Variants in NCOA2 observed in about 807,000 individuals in gnomAD.
NCOA2 encodes class E basic helix-loop-helix protein 75.
A neutral mutation model predicts 145.1 loss-of-function variants in NCOA2; 21 were observed. The observed-to-expected ratio is 0.14, with a 90% CI of 0.10 to 0.21. The LOEUF is 0.21. Ranked by LOEUF, NCOA2 falls within the 10% of genes least tolerant of loss-of-function variation. NCOA2 has a pLI of 1.00. For missense variants in NCOA2, 1,472 were observed against 1,837.6 expected, an observed-to-expected ratio of 0.80 and a Z score of 3.64; for synonymous variants, 619 against 637.5, an observed-to-expected ratio of 0.97 and a Z score of 0.44.
chr8:70,185,293 C>T (rs1815935848), intron 4 of NCOA2, among the ~76,000 whole-genome samples: 1 of 152,118 alleles, frequency 6.6e-6, no homozygotes, highest in African/African-American at 2.4e-5. Context: ...AGCAGGTGTT[C>T]CTAATTTAAA....
At chr8:70,350,137 T>C (rs537469726) in intron 1 of NCOA2, among the ~76,000 whole-genome samples, 4 of 152,180 alleles carry the variant, frequency 2.6e-5, no homozygotes, top group Non-Finnish European at 5.9e-5. Context: ...TGATTTTGAA[T>C]AATGGCAAGA....
intron 5 of NCOA2, among the ~76,000 whole-genome samples, chr8:70,171,398 T>C (rs1421703688): frequency 6.6e-6 from 1 of 152,248 alleles, no homozygotes; most frequent in Non-Finnish European, 1.5e-5. Context: ...AAGCTCATGC[T>C]TTGATGACCA....
intron 2 of NCOA2, chr8:70,273,349 G>A (rs1465289896): frequency 1.6e-5 from 7 of 447,398 alleles, no homozygotes; most frequent in African/African-American, 2.0e-5. Context: ...AGTCCCCCGC[G>A]CAGCCCCTTA....
intron 1 of NCOA2, among the ~76,000 whole-genome samples, chr8:70,371,654 A>T (rs1811228888): frequency 6.6e-6 from 1 of 152,154 alleles, no homozygotes; most frequent in South Asian, 2.1e-4. Context: ...TATGAACATG[A>T]ATCTACAGTT....
Position 70,112,314 on chromosome 8 carries a change from T to C in NCOA2, c.*1318A>G, listed in dbSNP as rs1585681194. 2.6e-5 allele frequency: 5 copies of C among 194,968 alleles called. No individual in the cohort carries two copies. The South Asian group carries it at 9.6e-4, about 38-fold the overall frequency. 12.1% of individuals were successfully genotyped at this position (194,968 alleles called of 1,614,324 possible). A position where few individuals can be genotyped will look rare whatever the true frequency, so the allele number is the denominator to read the frequency against. Reference sequence around the variant, plus strand: ...AATACTGAAGTACCTCATTTTTGAGTCAATTCCACAATATGTATACCTCAC... The same window carrying C: ...AATACTGAAGTACCTCATTTTTGAGCCAATTCCACAATATGTATACCTCAC... On this transcript the variant is annotated 3_prime_UTR_variant, in exon 23 of 23. Coordinates refer to ENST00000452400, the MANE Select transcript of NCOA2 (RefSeq NM_006540.4).
In NCOA2 at chr8:70,128,242, T is replaced by C. The variant is rs141644865; in HGVS notation, c.3681+191A>G. 8.5e-5 allele frequency among the ~76,000 whole-genome samples: 13 copies of C among 152,330 alleles called. 1 individual carries two copies. The East Asian group carries it at 2.5e-3, about 29-fold the overall frequency. The stretch of plus-strand genomic sequence containing the variant: ...TTCTTAGAATAACAAGAATTGACTG[T>C]ACCTGGCAATAAAAATGGCAGTGAT... On this transcript the variant is annotated intron_variant, in intron 18 of 22. Transcript: ENST00000452400.
At chr8:70,334,266 A>G (rs147206744) in intron 1 of NCOA2, among the ~76,000 whole-genome samples, 16 of 152,324 alleles carry the variant, frequency 1.1e-4, no homozygotes, top group Admixed American at 2.6e-4. Context: ...AATGGCCCAT[A>G]TATCAACCCT....
intron 1 of NCOA2, among the ~76,000 whole-genome samples, chr8:70,383,197 G>A (rs1292744111): frequency 6.6e-6 from 1 of 152,170 alleles, no homozygotes; most frequent in East Asian, 1.9e-4. Flanking sequence ...ATGAAGGCCA[G>A]GGCTAGATAG....
chr8:70,391,867 T>C (rs1185513951), intron 1 of NCOA2, among the ~76,000 whole-genome samples: 1 of 152,216 alleles, frequency 6.6e-6, no homozygotes, highest in Non-Finnish European at 1.5e-5. Flanking sequence ...TTAGATGATA[T>C]TAGTTCTCTT....
intron 1 of NCOA2, among the ~76,000 whole-genome samples, chr8:70,348,542 C>T (rs912494092): frequency 6.6e-6 from 1 of 152,062 alleles, no homozygotes; most frequent in African/African-American, 2.4e-5. Flanking sequence ...TACAGTAGTC[C>T]AGGTACAAAG....
intron 2 of NCOA2, among the ~76,000 whole-genome samples, chr8:70,224,788 A>G (rs1425540131): frequency 1.3e-5 from 2 of 150,946 alleles, no homozygotes; most frequent in Non-Finnish European, 2.9e-5. Flanking sequence ...TATATTACAT[A>G]TATATTAATT....
chr8:70,267,966 T>C, intron 2 of NCOA2, among the ~76,000 whole-genome samples: 1 of 152,238 alleles, frequency 6.6e-6, no homozygotes, highest in East Asian at 1.9e-4. Flanking sequence ...GACTTCCTAT[T>C]TGAAGCAGGA....
chr8:70,388,326 T>C (rs1275419539), intron 1 of NCOA2, among the ~76,000 whole-genome samples: 1 of 152,198 alleles, frequency 6.6e-6, no homozygotes, highest in African/African-American at 2.4e-5. Flanking sequence ...AGAAACATAC[T>C]ATAATATTTT....
intron 1 of NCOA2, among the ~76,000 whole-genome samples, chr8:70,320,815 C>A (rs1468953453): frequency 1.3e-5 from 2 of 152,076 alleles, no homozygotes; most frequent in African/African-American, 4.8e-5. Flanking sequence ...GGTAACTGGT[C>A]TCGAAAACAA....
intron 2 of NCOA2, among the ~76,000 whole-genome samples, chr8:70,220,339 T>C (rs2134011352): frequency 6.6e-6 from 1 of 152,314 alleles, no homozygotes; most frequent in South Asian, 2.1e-4. Flanking sequence ...CAGGCTGTAT[T>C]TGATGGTAAT....
chr8:70,316,579 A>T (rs970367313), intron 1 of NCOA2, among the ~76,000 whole-genome samples: 4 of 151,718 alleles, frequency 2.6e-5, no homozygotes. Flanking sequence ...AGGTCCCAAC[A>T]GACCAGACCA....
chr8:70,282,642 C>G (rs1563720021), intron 2 of NCOA2, among the ~76,000 whole-genome samples: 1 of 149,276 alleles, frequency 6.7e-6, no homozygotes, highest in African/African-American at 2.5e-5. Context: ...GAGCTGAGAT[C>G]GTGCCATTGT....
the NCOA2 span, among the ~76,000 whole-genome samples, chr8:70,454,427 T>C: frequency 6.6e-6 from 1 of 152,218 alleles, no homozygotes; most frequent in East Asian, 1.9e-4. Context: ...TTCCTTCTAA[T>C]TGACTGCTTG....
rs944223770 is a variant in NCOA2 at position 70,281,971 on chromosome 8, T to C, written c.-20+14773A>G. Among the ~76,000 whole-genome samples, 18 of 152,334 alleles carry C rather than the reference T, an allele frequency of 1.2e-4. No individual in the cohort carries two copies. The East Asian group carries it at 3.1e-3, about 26-fold the overall frequency. On this transcript the variant is annotated intron_variant, in intron 2 of 22. Coordinates refer to ENST00000452400, the MANE Select transcript of NCOA2 (RefSeq NM_006540.4). ...TTAGTAAAATATAACATTCAAAATA[T>C]AATTTTATCTTTCTCTACAACTTAA...
Sources: allele counts gnomAD v4.1 joint callset (sites outside exome capture counted in the v4.1 genomes callset), GRCh38; gene constraint gnomAD v4.1.1; transcripts MANE v1.5; gene names NCBI Gene and HGNC (gene_info 2026-07-23, HGNC 2026-07-21).